DOK7: variants seen among roughly 807,000 people sequenced by gnomAD.
DOK7 encodes docking protein 7, also known as protein Dok-7.
DOK7 carries 32 observed loss-of-function variants against 30.7 expected under a neutral mutation model. The observed-to-expected ratio is 1.04, with a 90% CI of 0.79 to 1.40. DOK7 has a LOEUF of 1.40. Among genes scored for constraint, DOK7 ranks in the 40% most tolerant of loss-of-function variants. DOK7 has a pLI of 0.00. For missense variants in DOK7, 1,007 were observed against 699.2 expected (o/e 1.44, Z -4.97); for synonymous variants, 447 against 324.1 (o/e 1.38, Z -4.07).
chr4:3,491,138 TCC>T (rs1204042804), intron 6 of DOK7, among the ~76,000 whole-genome samples: 1 of 56,448 alleles, frequency 1.8e-5, no homozygotes, highest in Non-Finnish European at 3.3e-5. Context: ...GTTTCTCCCT[TCC>T]CCCCATTCCT....
chr4:3,488,884 C>G (rs1727983581), intron 5 of DOK7, among the ~76,000 whole-genome samples: 1 of 151,840 alleles, frequency 6.6e-6, no homozygotes. Context: ...CTGTTTGGAG[C>G]AAGGTAGCCA....
chr4:3,472,444 G>A (rs1056759422), intron 2 of DOK7, among the ~76,000 whole-genome samples: 1 of 152,214 alleles, frequency 6.6e-6, no homozygotes, highest in Non-Finnish European at 1.5e-5. Context: ...CGCCGAAGCC[G>A]GGTATCCTGG....
intron 2 of DOK7, among the ~76,000 whole-genome samples, chr4:3,466,583 T>A (rs1396746084): frequency 1.3e-5 from 2 of 152,120 alleles, no homozygotes; most frequent in African/African-American, 4.8e-5. Flanking sequence ...TGGCCAGTTA[T>A]CCTCTCCCCA....
At chr4:3,488,205 G>A (rs971100590) in intron 5 of DOK7, among the ~76,000 whole-genome samples, 7 of 152,210 alleles carry the variant, frequency 4.6e-5, no homozygotes, top group Non-Finnish European at 1.0e-4. Flanking sequence ...CAGGCTGACC[G>A]GGGCAGTGCC....
intron 6 of DOK7, 129 bp from the exon 7 acceptor site, chr4:3,492,630 G>C: frequency 1.5e-6 from 2 of 1,325,846 alleles, no homozygotes; most frequent in South Asian, 2.5e-5. Context: ...TAGGCCCCGG[G>C]GCTTGGGGGC....
At chr4:3,501,051 A>G in exon 8 of DOK7, 1 of 663,416 alleles carries the variant, frequency 1.5e-6, no homozygotes, top group South Asian at 2.2e-5. Flanking sequence ...GGCCTGAAAG[A>G]GTTGCTCTGG....
At chr4:3,492,361 T>G (rs1728525570) in intron 6 of DOK7, among the ~76,000 whole-genome samples, 1 of 147,594 alleles carries the variant, frequency 6.8e-6, no homozygotes, top group East Asian at 2.0e-4. Flanking sequence ...CCTGGGGCCG[T>G]GATGGTGCGG....
chr4:3,463,626 A>T, intron 2 of DOK7, 75 bp downstream of exon 2: 1 of 1,505,562 alleles, frequency 6.6e-7, no homozygotes, highest in East Asian at 2.5e-5. Flanking sequence ...CAGTAATGCC[A>T]GCTTGCCCAA....
downstream of DOK7, chr4:3,496,814 G>C: frequency 6.5e-7 from 1 of 1,536,102 alleles, no homozygotes; most frequent in Non-Finnish European, 8.7e-7. Flanking sequence ...GTTCTCTTTG[G>C]TCTAGGGAGC....
intron 6 of DOK7, among the ~76,000 whole-genome samples, chr4:3,500,062 G>T (rs1191553755): frequency 6.6e-6 from 1 of 151,872 alleles, no homozygotes; most frequent in African/African-American, 2.4e-5. Flanking sequence ...GTGTGGGGGG[G>T]GCCTCAGGAT....
Position 3,493,391 on chromosome 4 carries a change from C to CTCG in DOK7, c.1405_1406insTCG (p.Pro469delinsLeuAla). 1 of 1,595,172 alleles carries CTCG rather than the reference C, an allele frequency of 6.3e-7. No homozygotes were observed. The highest frequency in any genetic ancestry group is 1.7e-4 in the Middle Eastern group (1 of 5,952). ...GGGCAGCGAGGCCACACTGCCTGGC[C>CTCG]CTGCCCCTGGCGAGCCCTGGGAAGC... is the stretch of plus-strand genomic sequence containing the variant. On this transcript the variant is annotated protein_altering_variant, in exon 7 of 7. Transcript: ENST00000340083.
At chr4:3,500,584 CCA>C in intron 7 of DOK7, 8 of 1,514,416 alleles carry the variant, frequency 5.3e-6, no homozygotes, top group Non-Finnish European at 6.2e-6. Flanking sequence ...GAGGGTGTCC[CCA>C]CTCAGATGCT....
At chr4:3,490,176 TCCGCCCCCCCCACTCA>T (rs1728155201) in intron 6 of DOK7, among the ~76,000 whole-genome samples, 3 of 69,686 alleles carry the variant, frequency 4.3e-5, no homozygotes, top group African/African-American at 2.4e-4. Flanking sequence ...CATTTCTTCC[TCCGCCCCCCCCACTCA>T]TTCCTTCCCC....
chr4:3,478,974 G>A (rs761309728), intron 4 of DOK7, among the ~76,000 whole-genome samples: 3 of 152,166 alleles, frequency 2.0e-5, no homozygotes, highest in Non-Finnish European at 4.4e-5. Context: ...CCGGCAACTC[G>A]GGTGGTCCAG....
intron 4 of DOK7, chr4:3,485,277 T>C: frequency 4.9e-6 from 2 of 409,716 alleles, no homozygotes; most frequent in Non-Finnish European, 8.5e-6. Context: ...GCGCCCAAGT[T>C]TGAAGGGTGC....
At chr4:3,473,678 A>C in intron 3 of DOK7, 42 bp downstream of exon 3, 2 of 1,502,800 alleles carry the variant, frequency 1.3e-6, no homozygotes, top group Non-Finnish European at 1.8e-6. Context: ...CTCCCCGTTC[A>C]GGTGTGCCGG....
intron 2 of DOK7, among the ~76,000 whole-genome samples, chr4:3,469,141 A>C (rs545241712): frequency 7.3e-6 from 1 of 136,112 alleles, no homozygotes; most frequent in East Asian, 2.3e-4. Flanking sequence ...GTGTGCGTGT[A>C]TGTGTCTGTG....
intron 6 of DOK7, among the ~76,000 whole-genome samples, chr4:3,491,287 G>A (rs78108551): frequency 0.31 from 18,686 of 60,350 alleles, 1,660 homozygotes; most frequent in Middle Eastern, 0.36. Context: ...TCCTTCCTCC[G>A]CCCCCCCGCT....
chr4:3,492,478 G>C (rs546718162), intron 6 of DOK7, among the ~76,000 whole-genome samples: 3 of 152,088 alleles, frequency 2.0e-5, no homozygotes, highest in African/African-American at 7.2e-5. Context: ...GGGAGGAGGC[G>C]GGGACCAAGG....
Sources: gnomAD v4.1 joint callset for allele counts (sites outside exome capture counted in the v4.1 genomes callset) on GRCh38, gnomAD v4.1.1 for gene constraint, MANE v1.5 for transcripts, NCBI Gene and HGNC (gene_info 2026-07-23, HGNC 2026-07-21) for gene names.